The following LUZP2 variants were observed in gnomAD, a reference collection of about 807,000 sequenced individuals.
The protein encoded by LUZP2 is leucine zipper protein 2.
LUZP2 carries 52 observed loss-of-function variants against 51.6 expected under a neutral mutation model. That is an observed-to-expected ratio of 1.01 (90% CI 0.81 to 1.27). LUZP2 has a LOEUF of 1.27. Among genes scored for constraint, LUZP2 ranks in the 50% most tolerant of loss-of-function variants. The pLI is 0.00. For missense variants in LUZP2, 436 were observed against 395.4 expected, an observed-to-expected ratio of 1.10 and a Z score of -0.87; for synonymous variants, 154 against 137.3, an observed-to-expected ratio of 1.12 and a Z score of -0.85.
At chr11:24,801,670 G>A (rs1364996029) in intron 5 of LUZP2, among the ~76,000 whole-genome samples, 1 of 151,580 alleles carries the variant, frequency 6.6e-6, no homozygotes, top group Non-Finnish European at 1.5e-5. Context: ...TAAGGATTTA[G>A]ACAATAATAT....
chr11:25,051,553 G>T (rs1490634272), intron 10 of LUZP2, among the ~76,000 whole-genome samples: 1 of 152,096 alleles, frequency 6.6e-6, no homozygotes, highest in Non-Finnish European at 1.5e-5. Context: ...AATTTGCAGA[G>T]GCAGGAAAAT....
chr11:24,693,997 T>C (rs1259322059), intron 1 of LUZP2, among the ~76,000 whole-genome samples: 1 of 152,074 alleles, frequency 6.6e-6, no homozygotes, highest in Non-Finnish European at 1.5e-5. Context: ...ATACATATCA[T>C]TGGTGGACAT....
chr11:24,572,354 A>G (rs1288471098), intron 1 of LUZP2, among the ~76,000 whole-genome samples: 1 of 152,042 alleles, frequency 6.6e-6, no homozygotes, highest in African/African-American at 2.4e-5. Context: ...ATAAGCCGTG[A>G]TAGTAATACA....
At chr11:24,714,036 C>A (rs1857944104) in intron 1 of LUZP2, among the ~76,000 whole-genome samples, 1 of 151,502 alleles carries the variant, frequency 6.6e-6, no homozygotes, top group Non-Finnish European at 1.5e-5. Context: ...AAATTACAAC[C>A]ATAAAAATAA....
At chr11:24,596,296 A>G (rs1853443573) in intron 1 of LUZP2, among the ~76,000 whole-genome samples, 1 of 152,226 alleles carries the variant, frequency 6.6e-6, no homozygotes, top group Non-Finnish European at 1.5e-5. Flanking sequence ...ACTCATAGAT[A>G]AGAAAGAATA....
At chr11:24,795,195 T>G (rs1012682177) in intron 5 of LUZP2, among the ~76,000 whole-genome samples, 2 of 152,162 alleles carry the variant, frequency 1.3e-5, no homozygotes, top group Admixed American at 6.6e-5. Flanking sequence ...ATTAATGACC[T>G]TTTTATTTTG....
chr11:24,909,556 G>A (rs930330161), intron 6 of LUZP2, among the ~76,000 whole-genome samples: 1 of 151,694 alleles, frequency 6.6e-6, no homozygotes. Flanking sequence ...GGTTGTAAAC[G>A]AGTCCTAGAC....
At chr11:25,048,422 A>C (rs1858387374) in intron 9 of LUZP2, among the ~76,000 whole-genome samples, 1 of 152,132 alleles carries the variant, frequency 6.6e-6, no homozygotes, top group Admixed American at 6.6e-5. Context: ...GCCTCCCTGC[A>C]CTTAATAAGC....
chr11:24,718,611 T>C (rs1858146426), intron 1 of LUZP2, among the ~76,000 whole-genome samples: 1 of 152,166 alleles, frequency 6.6e-6, no homozygotes. Context: ...CAGATGCAGT[T>C]CAACATTATA....
rs1338367271 is a variant in LUZP2, at chr11:24,602,166, G to GTATATA, written c.62+104862_62+104863insATATAT. On this transcript the variant is annotated intron_variant, in intron 1 of 11. Transcript: ENST00000336930. ...TGTATATATGTATATATGTATATAT[G>GTATATA]TGTATATATATGTGTATATATGTAT... 9.2e-3 allele frequency among the ~76,000 whole-genome samples: 869 copies of GTATATA among 94,174 alleles called. 27 individuals carry two copies. The highest frequency in any genetic ancestry group is 0.041 in the African/African-American group (804 of 19,748). 61.8% of individuals were successfully genotyped at this position (94,174 alleles called of 152,430 possible).
intron 9 of LUZP2, among the ~76,000 whole-genome samples, chr11:25,046,583 A>G (rs902985601): frequency 5.3e-5 from 8 of 152,180 alleles, no homozygotes; most frequent in African/African-American, 1.9e-4. Flanking sequence ...ACTAGCTTCC[A>G]AGATGAAACA....
In LUZP2 at chr11:25,013,494, A is replaced by G. The variant is rs888245707; in HGVS notation, c.765+30201A>G. 1.7e-4 allele frequency among the ~76,000 whole-genome samples: 26 copies of G among 152,178 alleles called. 1 individual carries two copies. Among genetic ancestry groups the G allele is most frequent in the Admixed American group, 1.1e-3 (17 of 15,282 alleles). ...AGCTTACCCATATGCTTACTAGTTT[A>G]TTGGTACAAAATAGATAAAATGTTT... On this transcript the variant is annotated intron_variant, in intron 9 of 11. Coordinates refer to ENST00000336930, the MANE Select transcript of LUZP2 (RefSeq NM_001009909.4).
At chr11:24,516,102 T>C (rs1850454341) in intron 1 of LUZP2, among the ~76,000 whole-genome samples, 1 of 149,122 alleles carries the variant, frequency 6.7e-6, no homozygotes, top group Admixed American at 6.6e-5. Flanking sequence ...TTTCTTATAG[T>C]AGATTTTTTT....
At chr11:24,763,833 C>A (rs1222155633) in intron 5 of LUZP2, among the ~76,000 whole-genome samples, 1 of 152,056 alleles carries the variant, frequency 6.6e-6, no homozygotes, top group South Asian at 2.1e-4. Flanking sequence ...TATACAATTA[C>A]TTTAATTTTT....
intron 1 of LUZP2, among the ~76,000 whole-genome samples, chr11:24,546,390 CCT>C (rs1485079278): frequency 6.6e-6 from 1 of 152,020 alleles, no homozygotes; most frequent in Non-Finnish European, 1.5e-5. Flanking sequence ...CCAGCTCCTC[CCT>C]GTTTAGTATG....
At chr11:24,772,351 T>A (rs11028163) in intron 5 of LUZP2, among the ~76,000 whole-genome samples, 12,205 of 152,206 alleles carry the variant, frequency 0.08, 1,059 homozygotes, top group African/African-American at 0.22. Flanking sequence ...GGGATATTTC[T>A]TAACATGATA....
At chr11:24,655,003 A>G (rs1204072075) in intron 1 of LUZP2, among the ~76,000 whole-genome samples, 5 of 152,200 alleles carry the variant, frequency 3.3e-5, no homozygotes, top group Non-Finnish European at 5.9e-5. Context: ...CATAAGTTTT[A>G]AAAATCTAGG....
At chr11:24,909,568 G>C (rs1853562916) in intron 6 of LUZP2, among the ~76,000 whole-genome samples, 1 of 151,932 alleles carries the variant, frequency 6.6e-6, no homozygotes. Flanking sequence ...GTCCTAGACA[G>C]CAGATTGGAA....
chr11:25,011,287 C>G (rs1286305201), intron 9 of LUZP2, among the ~76,000 whole-genome samples: 2 of 152,136 alleles, frequency 1.3e-5, no homozygotes, highest in Admixed American at 6.6e-5. Context: ...CTGTATCTCT[C>G]CTTATATCCA....
Sources: gnomAD v4.1 joint callset for allele counts (sites outside exome capture counted in the v4.1 genomes callset) on GRCh38, gnomAD v4.1.1 for gene constraint, MANE v1.5 for transcripts, NCBI Gene and HGNC (gene_info 2026-07-23, HGNC 2026-07-21) for gene names.